Variants in ADGRL3 observed in about 807,000 individuals in gnomAD.
ADGRL3 encodes the protein adhesion G protein-coupled receptor L3.
A neutral mutation model predicts 153.5 loss-of-function variants in ADGRL3; 62 were observed. The ratio of observed to expected loss-of-function variants is 0.40; its 90% CI spans 0.33 to 0.50. The LOEUF (loss-of-function observed/expected upper bound fraction) is 0.50. ADGRL3 is among the 20% of genes least tolerant of loss of function. The probability of loss-of-function intolerance (pLI) is 0.47; values close to 1 mark genes in which losing one functional copy is unlikely to be tolerated. For missense variants in ADGRL3, 1,641 were observed against 1,859.4 expected (o/e 0.88, Z 2.16); for synonymous variants, 710 against 672.5 (o/e 1.06, Z -0.86).
At chr4:61,645,299 T>C (rs1477524483) in intron 5 of ADGRL3, among the ~76,000 whole-genome samples, 1 of 151,910 alleles carries the variant, frequency 6.6e-6, no homozygotes, top group Admixed American at 6.6e-5. Flanking sequence ...AAAGTTAATA[T>C]TGTTATGTGT....
intron 4 of ADGRL3, among the ~76,000 whole-genome samples, chr4:61,522,045 G>A (rs940416602): frequency 2.6e-5 from 4 of 152,104 alleles, no homozygotes; most frequent in Non-Finnish European, 5.9e-5. Flanking sequence ...TATCTGCTAG[G>A]ATTTTCATTC....
intron 2 of ADGRL3, among the ~76,000 whole-genome samples, chr4:61,397,702 G>GT (rs1256674892): frequency 6.6e-6 from 1 of 151,738 alleles, no homozygotes; most frequent in Admixed American, 6.6e-5. Flanking sequence ...AGAACACATA[G>GT]TATTAGCTAA....
chr4:61,933,961 A>T (rs2150133314), intron 13 of ADGRL3: 1 of 152,250 alleles, frequency 6.6e-6, no homozygotes, highest in African/African-American at 2.4e-5. Flanking sequence ...AGCTGCAGGT[A>T]TTGTATTTTT....
At chr4:61,618,410 A>G (rs2149792416) in intron 5 of ADGRL3, among the ~76,000 whole-genome samples, 1 of 152,296 alleles carries the variant, frequency 6.6e-6, no homozygotes, top group African/African-American at 2.4e-5. Context: ...AATTGCCCCA[A>G]CTTAGAGTCA....
At chr4:61,932,101 G>C (rs576951143) in intron 13 of ADGRL3, among the ~76,000 whole-genome samples, 4 of 151,740 alleles carry the variant, frequency 2.6e-5, no homozygotes, top group Non-Finnish European at 5.9e-5. Flanking sequence ...GAGTCTTTCA[G>C]GTTTTCTGTA....
chr4:61,588,245 A>C (rs958551776), intron 5 of ADGRL3, among the ~76,000 whole-genome samples: 1 of 151,872 alleles, frequency 6.6e-6, no homozygotes, highest in Non-Finnish European at 1.5e-5. Flanking sequence ...TCCTTCTATT[A>C]TTTAAGAACT....
chr4:61,310,333 A>G (rs1275157065), intron 1 of ADGRL3, among the ~76,000 whole-genome samples: 1 of 152,062 alleles, frequency 6.6e-6, no homozygotes, highest in Non-Finnish European at 1.5e-5. Flanking sequence ...GGCTCTTGGT[A>G]AACTCTGCCC....
chr4:61,291,212 A>G (rs62312929), intron 1 of ADGRL3, among the ~76,000 whole-genome samples: 1,339 of 24,868 alleles, frequency 0.054, 9 homozygotes, highest in South Asian at 0.18. Flanking sequence ...ACACACACAC[A>G]CACACGCACA....
rs1184903920 is a variant in ADGRL3, at chr4:61,778,718, G to T, written c.1400-35091G>T. Among the ~76,000 whole-genome samples, 6 of 152,142 alleles carry T rather than the reference G, an allele frequency of 3.9e-5. No individual in the cohort carries two copies. The East Asian group carries it at 1.2e-3, about 29-fold the overall frequency. ...CTAATATTGAGTGAATCCTTTTGATGAGAGAAGCACTACTGATGGTCATTA... is the reference window on the plus strand; with the variant it reads ...CTAATATTGAGTGAATCCTTTTGATTAGAGAAGCACTACTGATGGTCATTA... On this transcript the variant is annotated intron_variant, in intron 8 of 26. Transcript: ENST00000683033.
At chr4:61,559,668 A>G (rs537369950) in intron 4 of ADGRL3, among the ~76,000 whole-genome samples, 1 of 152,080 alleles carries the variant, frequency 6.6e-6, no homozygotes, top group East Asian at 1.9e-4. Context: ...CCACAAGGGG[A>G]TGAAAGTGTG....
At chr4:61,800,162 CCTT>C (rs2097475526) in intron 8 of ADGRL3, among the ~76,000 whole-genome samples, 2 of 152,146 alleles carry the variant, frequency 1.3e-5, no homozygotes, top group African/African-American at 4.8e-5. Flanking sequence ...CAAAAAGAAA[CCTT>C]CTTAACCATC....
intron 1 of ADGRL3, among the ~76,000 whole-genome samples, chr4:61,341,560 A>C (rs1405739734): frequency 6.6e-6 from 1 of 151,596 alleles, no homozygotes; most frequent in Non-Finnish European, 1.5e-5. Flanking sequence ...TGTTATGCAC[A>C]TGTAATGCAT....
intron 6 of ADGRL3, among the ~76,000 whole-genome samples, chr4:61,724,468 G>A (rs62304055): frequency 0.028 from 4,239 of 152,160 alleles, 78 homozygotes; most frequent in Middle Eastern, 0.058. Context: ...ATTAGAATAT[G>A]GCTAGCAAAA....
chr4:61,324,976 G>A (rs1052110493), intron 1 of ADGRL3, among the ~76,000 whole-genome samples: 3 of 152,006 alleles, frequency 2.0e-5, no homozygotes, highest in Non-Finnish European at 2.9e-5. Flanking sequence ...ATTACCATTT[G>A]GAATTCTGAC....
chr4:61,874,789 CTTTTTTTTTTTTTTTTT>C (rs11432355), intron 9 of ADGRL3, among the ~76,000 whole-genome samples: 2 of 61,552 alleles, frequency 3.2e-5, no homozygotes, highest in African/African-American at 6.5e-5. Flanking sequence ...TCAAAATGCT[CTTTTTTTTTTTTTTTTT>C]TTTTTTTTTT....
In ADGRL3 at chr4:61,200,842, G is replaced by C. The variant is rs138667895; in HGVS notation, c.-1163G>C. Among the ~76,000 whole-genome samples, 3,477 of 152,066 alleles carry C rather than the reference G, an allele frequency of 0.023. 75 individuals are homozygous for C. The highest frequency in any genetic ancestry group is 0.068 in the Middle Eastern group (20 of 292). On this transcript the variant is annotated 5_prime_UTR_variant, in exon 1 of 27. Transcript: ENST00000683033. Reference sequence around the variant, plus strand: ...CGCGCGATGAAGCTCCCACATGCCCGCAGCTGCCCGGCCCGGCCGGCGAGC... The same window carrying C: ...CGCGCGATGAAGCTCCCACATGCCCCCAGCTGCCCGGCCCGGCCGGCGAGC...
intron 8 of ADGRL3, among the ~76,000 whole-genome samples, chr4:61,803,043 A>G (rs541223841): frequency 8.5e-5 from 13 of 152,244 alleles, no homozygotes; most frequent in African/African-American, 3.1e-4. Context: ...TCTATTCGCT[A>G]GTGGTATCAG....
At chr4:61,214,631 T>G (rs781408405) in intron 1 of ADGRL3, among the ~76,000 whole-genome samples, 2 of 152,002 alleles carry the variant, frequency 1.3e-5, no homozygotes, top group African/African-American at 2.4e-5. Flanking sequence ...GAGATCTGTC[T>G]GTAGGAATAA....
intron 17 of ADGRL3, among the ~76,000 whole-genome samples, chr4:61,962,332 CACAA>C (rs1297101828): frequency 6.6e-6 from 1 of 151,918 alleles, no homozygotes; most frequent in African/African-American, 2.4e-5. Context: ...TTATTGTTAA[CACAA>C]ACAAGATATT....
Sources: allele counts gnomAD v4.1 joint callset (sites outside exome capture counted in the v4.1 genomes callset), GRCh38; gene constraint gnomAD v4.1.1; transcripts MANE v1.5; gene names NCBI Gene and HGNC (gene_info 2026-07-23, HGNC 2026-07-21).